The following PKNOX2 variants were observed in gnomAD, a reference collection of about 807,000 sequenced individuals.
PKNOX2 encodes the protein PBX/knotted 1 homeobox 2, also known as homeobox protein PKNOX2.
A neutral mutation model predicts 53.1 loss-of-function variants in PKNOX2; 14 were observed. That is an observed-to-expected ratio of 0.26 (90% CI 0.17 to 0.41). PKNOX2 has a LOEUF of 0.41. Among genes scored for constraint, PKNOX2 ranks in the 10% least tolerant of loss-of-function variants. PKNOX2 has a pLI of 1.00. For synonymous variants in PKNOX2, 257 were observed against 242.8 expected (o/e 1.06, Z -0.54); for missense variants, 496 against 602.8 (o/e 0.82, Z 1.85).
At chr11:125,350,493 A>C (rs3808998) in intron 3 of PKNOX2, among the ~76,000 whole-genome samples, 24,339 of 151,950 alleles carry the variant, frequency 0.16, 3,402 homozygotes, top group African/African-American at 0.38. Context: ...AGGCAGGTAG[A>C]CCATTTGGCT....
chr11:125,329,048 A>G (rs1173354847), intron 2 of PKNOX2, among the ~76,000 whole-genome samples: 1 of 152,264 alleles, frequency 6.6e-6, no homozygotes, highest in Admixed American at 6.5e-5. Flanking sequence ...GTCCACTGCA[A>G]GAATAGTCAT....
chr11:125,209,883 G>A (rs112060592), intron 1 of PKNOX2, among the ~76,000 whole-genome samples: 2,286 of 152,118 alleles, frequency 0.015, 62 homozygotes, highest in African/African-American at 0.052. Flanking sequence ...CCTCCACCTG[G>A]TCTCTGCTGC....
chr11:125,331,130 G>A (rs577704004), intron 2 of PKNOX2, among the ~76,000 whole-genome samples: 23 of 152,264 alleles, frequency 1.5e-4, no homozygotes, highest in African/African-American at 2.6e-4. Context: ...CCTTATGGCC[G>A]TGCTGACCAC....
intron 5 of PKNOX2, among the ~76,000 whole-genome samples, chr11:125,369,549 G>C (rs1485461978): frequency 6.6e-6 from 1 of 152,156 alleles, no homozygotes; most frequent in African/African-American, 2.4e-5. Flanking sequence ...TCCAGGCACC[G>C]ATAGACGTAC....
intron 5 of PKNOX2, 29 bp from the exon 6 acceptor site, chr11:125,385,522 G>A (rs200252274): frequency 2.7e-4 from 435 of 1,585,098 alleles, no homozygotes; most frequent in African/African-American, 9.5e-4. Context: ...CTGTGTGTGC[G>A]CATGTGTGAG....
chr11:125,220,518 A>T (rs994994654), intron 1 of PKNOX2, among the ~76,000 whole-genome samples: 2 of 152,122 alleles, frequency 1.3e-5, no homozygotes, highest in Non-Finnish European at 2.9e-5. Context: ...GGCTCCAGAC[A>T]TGGGTACCTG....
chr11:125,225,724 T>C (rs1233218694), intron 1 of PKNOX2, among the ~76,000 whole-genome samples: 1 of 152,220 alleles, frequency 6.6e-6, no homozygotes, highest in Non-Finnish European at 1.5e-5. Flanking sequence ...TGTTTTCCCC[T>C]GATGCATCTT....
intron 2 of PKNOX2, among the ~76,000 whole-genome samples, chr11:125,330,814 C>G (rs1448697894): frequency 6.6e-6 from 1 of 152,238 alleles, no homozygotes; most frequent in African/African-American, 2.4e-5. Flanking sequence ...TTAGCTCCTC[C>G]TGTTGTCATG....
At chr11:125,258,748 TC>T in intron 2 of PKNOX2, 1 of 241,442 alleles carries the variant, frequency 4.1e-6, no homozygotes, top group South Asian at 3.7e-5. Flanking sequence ...TTCTGCCCCC[TC>T]CCCTGCTGCC....
At chr11:125,360,731 T>TGG (rs1209642100) in intron 4 of PKNOX2, among the ~76,000 whole-genome samples, 2 of 152,186 alleles carry the variant, frequency 1.3e-5, no homozygotes, top group Non-Finnish European at 2.9e-5. Flanking sequence ...TCTCAGGGTG[T>TGG]GGGCTGTAGG....
chr11:125,238,677 T>G (rs1486036816), intron 2 of PKNOX2, among the ~76,000 whole-genome samples: 1 of 152,242 alleles, frequency 6.6e-6, no homozygotes, highest in East Asian at 1.9e-4. Flanking sequence ...TATATCTAAA[T>G]GGGCCTACTT....
At chr11:125,394,924 A>G (rs1396889345) in intron 6 of PKNOX2, among the ~76,000 whole-genome samples, 21 of 152,040 alleles carry the variant, frequency 1.4e-4, no homozygotes, top group Non-Finnish European at 2.9e-5. Flanking sequence ...ACAATCCACC[A>G]ACTGTATTCA....
chr11:125,195,008 G>A (rs984495298), intron 1 of PKNOX2, among the ~76,000 whole-genome samples: 12 of 152,200 alleles, frequency 7.9e-5, no homozygotes, highest in Middle Eastern at 3.4e-3. Flanking sequence ...TATTATGGAC[G>A]GGAAAATGGA....
chr11:125,202,868 C>T (rs1031562734), intron 1 of PKNOX2, among the ~76,000 whole-genome samples: 4 of 152,144 alleles, frequency 2.6e-5, no homozygotes, highest in African/African-American at 9.7e-5. Context: ...TATTCTCCCA[C>T]CTTTCCTCTC....
chr11:125,216,019 T>G (rs1168360826), intron 1 of PKNOX2, among the ~76,000 whole-genome samples: 1 of 152,224 alleles, frequency 6.6e-6, no homozygotes, highest in African/African-American at 2.4e-5. Flanking sequence ...CTCAACTTCA[T>G]TGCTTCTCTA....
intron 5 of PKNOX2, among the ~76,000 whole-genome samples, chr11:125,383,429 G>C: frequency 7.1e-6 from 1 of 139,930 alleles, no homozygotes; most frequent in Admixed American, 7.3e-5. Flanking sequence ...CTAAAGTGGT[G>C]AAATCCCCTC....
At chr11:125,407,483 G>A (rs1955177599) in intron 7 of PKNOX2, among the ~76,000 whole-genome samples, 1 of 152,182 alleles carries the variant, frequency 6.6e-6, no homozygotes, top group African/African-American at 2.4e-5. Context: ...TTTTATGTTT[G>A]AAATTCTCAA....
chr11:125,320,540 A>G (rs1213668158), intron 2 of PKNOX2, among the ~76,000 whole-genome samples: 1 of 152,134 alleles, frequency 6.6e-6, no homozygotes, highest in Non-Finnish European at 1.5e-5. Flanking sequence ...AGCTAGGCAT[A>G]CAGGCTCCAT....
At chr11:125,229,352 T>C (rs970036695) in intron 1 of PKNOX2, among the ~76,000 whole-genome samples, 1 of 152,208 alleles carries the variant, frequency 6.6e-6, no homozygotes, top group Non-Finnish European at 1.5e-5. Flanking sequence ...GCTGATACTC[T>C]ACCTCATCCA....
Sources: gnomAD v4.1 joint callset for allele counts (sites outside exome capture counted in the v4.1 genomes callset) on GRCh38, gnomAD v4.1.1 for gene constraint, MANE v1.5 for transcripts, NCBI Gene and HGNC (gene_info 2026-07-23, HGNC 2026-07-21) for gene names.